CDH18: variants seen among roughly 807,000 people sequenced by gnomAD.
CDH18 encodes cadherin 18, also known as cadherin-18.
A neutral mutation model predicts 67.9 loss-of-function variants in CDH18; 31 were observed. The observed-to-expected ratio is 0.46, with a 90% confidence interval of 0.34 to 0.62. The LOEUF is 0.62. Among genes scored for constraint, CDH18 ranks in the 20% least tolerant of loss-of-function variants. The pLI, the probability that CDH18 is intolerant of heterozygous loss-of-function variation, is 0.01. For missense variants in CDH18, 890 were observed against 975.5 expected (o/e 0.91, Z 1.17); for synonymous variants, 362 against 347.2 (o/e 1.04, Z -0.48).
chr5:20,438,797 T>A (rs1315932834), intron 1 of CDH18, among the ~76,000 whole-genome samples: 1 of 151,466 alleles, frequency 6.6e-6, no homozygotes, highest in Non-Finnish European at 1.5e-5. Context: ...TTTCCACCTG[T>A]TCCACCAAAA....
chr5:20,191,833 C>G (rs1185757256), intron 2 of CDH18, among the ~76,000 whole-genome samples: 6 of 152,124 alleles, frequency 3.9e-5, no homozygotes, highest in African/African-American at 1.4e-4. Context: ...GTGCACATGT[C>G]TTTACAGTAG....
At chr5:19,942,975 C>A (rs569813805) in intron 2 of CDH18, among the ~76,000 whole-genome samples, 9 of 152,156 alleles carry the variant, frequency 5.9e-5, no homozygotes, top group Non-Finnish European at 1.2e-4. Context: ...CTGATATACT[C>A]TCTGCCAGGT....
chr5:19,746,085 T>A (rs1054202871), intron 4 of CDH18, among the ~76,000 whole-genome samples: 1 of 152,138 alleles, frequency 6.6e-6, no homozygotes, highest in African/African-American at 2.4e-5. Context: ...TAGAGTCTCA[T>A]AAAGATAGTC....
At chr5:20,259,201 C>T (rs1378293225) in intron 1 of CDH18, among the ~76,000 whole-genome samples, 1 of 152,068 alleles carries the variant, frequency 6.6e-6, no homozygotes, top group African/African-American at 2.4e-5. Flanking sequence ...TGCTCAGGCC[C>T]TCAGCCCTCT....
intron 1 of CDH18, among the ~76,000 whole-genome samples, chr5:20,562,402 A>G (rs1243034356): frequency 6.6e-6 from 1 of 151,724 alleles, no homozygotes; most frequent in Non-Finnish European, 1.5e-5. Context: ...AGGCAACCTT[A>G]TGTACCTATG....
chr5:20,155,517 G>A (rs550204012), intron 2 of CDH18, among the ~76,000 whole-genome samples: 2 of 152,142 alleles, frequency 1.3e-5, no homozygotes, highest in South Asian at 2.1e-4. Context: ...CTCCTGTTCT[G>A]TAGGTTGTCT....
Position 19,962,326 on chromosome 5 carries a change from G to A in CDH18, c.-257+18734C>T, listed in dbSNP as rs545111913. 3.6e-5 allele frequency among the ~76,000 whole-genome samples: 4 copies of A among 111,532 alleles called. No individual in the cohort carries two copies. In the South Asian group the frequency reaches 1.2e-3, roughly 34 times the overall value. 73.2% of individuals were successfully genotyped at this position (111,532 alleles called of 152,430 possible). The stretch of plus-strand genomic sequence containing the variant: ...AACATTTAATAAATTAAATTGAAGA[G>A]ATAATATGAACCAGTGATTACTTCG... On this transcript the variant is annotated intron_variant, in intron 2 of 12. Transcript: ENST00000382275.
intron 5 of CDH18, among the ~76,000 whole-genome samples, chr5:19,625,563 C>T (rs1049878797): frequency 6.6e-6 from 1 of 152,112 alleles, no homozygotes; most frequent in Non-Finnish European, 1.5e-5. Context: ...TGGGATTGCT[C>T]GGTCCCAAGC....
intron 11 of CDH18, among the ~76,000 whole-genome samples, chr5:19,492,416 A>G (rs1423553622): frequency 6.6e-6 from 1 of 152,172 alleles, no homozygotes; most frequent in Non-Finnish European, 1.5e-5. Flanking sequence ...TCAAGCCTAT[A>G]TTCATAAATT....
At chr5:20,044,707 T>C (rs1028004165) in intron 2 of CDH18, among the ~76,000 whole-genome samples, 1 of 152,112 alleles carries the variant, frequency 6.6e-6, no homozygotes, top group East Asian at 1.9e-4. Flanking sequence ...GAGCTAGATT[T>C]ATGTAAGCAG....
intron 9 of CDH18, among the ~76,000 whole-genome samples, chr5:19,530,789 T>G (rs1053027537): frequency 6.6e-6 from 1 of 152,256 alleles, no homozygotes; most frequent in African/African-American, 2.4e-5. Flanking sequence ...CTGCATAGTA[T>G]TCCATGGTGT....
intron 2 of CDH18, among the ~76,000 whole-genome samples, chr5:20,170,082 T>C (rs1736577507): frequency 6.6e-6 from 1 of 152,106 alleles, no homozygotes; most frequent in South Asian, 2.1e-4. Flanking sequence ...GTTACATATG[T>C]AAATATGTGA....
chr5:20,129,223 T>A (rs1188310611), intron 2 of CDH18, among the ~76,000 whole-genome samples: 3 of 151,726 alleles, frequency 2.0e-5, no homozygotes, highest in Non-Finnish European at 2.9e-5. Context: ...AGAAAAAAAA[T>A]ATAGACCCAA....
chr5:19,505,016 A>C lies in CDH18; in HGVS notation c.1513-1907T>G, dbSNP rs569133294. Among the ~76,000 whole-genome samples the C allele has an allele frequency of 1.1e-3, 165 of 152,136 alleles. 1 individual carries two copies. Among genetic ancestry groups the C allele is most frequent in the South Asian group, 2.5e-3 (12 of 4,830 alleles). Reference sequence around the variant, plus strand: ...AATATGAGCTTATTATACCTGTTAAACTCTGATATAATTCCTATTCTATTG... The same window carrying C: ...AATATGAGCTTATTATACCTGTTAACCTCTGATATAATTCCTATTCTATTG... On this transcript the variant is annotated intron_variant, in intron 10 of 12. Transcript: ENST00000382275.
At chr5:20,523,540 G>T (rs898044506) in intron 1 of CDH18, among the ~76,000 whole-genome samples, 1 of 152,024 alleles carries the variant, frequency 6.6e-6, no homozygotes, top group African/African-American at 2.4e-5. Flanking sequence ...CACAAGCAAG[G>T]ATCATAACTT....
At chr5:19,790,734 TA>T (rs1234832114) in intron 3 of CDH18, among the ~76,000 whole-genome samples, 5 of 152,120 alleles carry the variant, frequency 3.3e-5, no homozygotes. Flanking sequence ...GGATGCTGGA[TA>T]AGGAAGAGTT....
At chr5:20,338,911 A>G (rs541227070) in intron 1 of CDH18, among the ~76,000 whole-genome samples, 1 of 152,322 alleles carries the variant, frequency 6.6e-6, no homozygotes, top group Admixed American at 6.5e-5. Context: ...GGCTTTGCCC[A>G]GGTACACTTA....
chr5:19,873,059 T>C (rs920338756), intron 2 of CDH18, among the ~76,000 whole-genome samples: 8 of 152,166 alleles, frequency 5.3e-5, no homozygotes, highest in African/African-American at 1.9e-4. Flanking sequence ...CTAATTTTTA[T>C]GTTGCTAGAA....
At chr5:20,055,412 T>G (rs1182006803) in intron 2 of CDH18, among the ~76,000 whole-genome samples, 1 of 152,230 alleles carries the variant, frequency 6.6e-6, no homozygotes, top group East Asian at 1.9e-4. Flanking sequence ...AGTCAGCTTT[T>G]AAGTGTAAGC....
Sources: allele counts gnomAD v4.1 joint callset (sites outside exome capture counted in the v4.1 genomes callset), GRCh38; gene constraint gnomAD v4.1.1; transcripts MANE v1.5; gene names NCBI Gene and HGNC (gene_info 2026-07-23, HGNC 2026-07-21).